The following DACH1 variants were observed in gnomAD, a reference collection of about 807,000 sequenced individuals.
The protein encoded by DACH1 is dachshund family transcription factor 1.
A neutral mutation model predicts 54.2 loss-of-function variants in DACH1; 12 were observed. The observed-to-expected ratio is 0.22, with a 90% confidence interval of 0.14 to 0.36. The LOEUF (loss-of-function observed/expected upper bound fraction) is 0.36, where lower values mean the gene tolerates loss of function less well. Among genes scored for constraint, DACH1 ranks in the 10% least tolerant of loss-of-function variants. The probability of loss-of-function intolerance (pLI) is 1.00; values close to 1 mark genes in which losing one functional copy is unlikely to be tolerated. For missense variants in DACH1, 805 were observed against 929.8 expected (o/e 0.87, Z 1.75); for synonymous variants, 386 against 366.2 (o/e 1.05, Z -0.62).
intron 2 of DACH1, among the ~76,000 whole-genome samples, chr13:71,657,760 T>G (rs1279342554): frequency 6.6e-6 from 1 of 152,056 alleles, no homozygotes; most frequent in Non-Finnish European, 1.5e-5. Context: ...TTTTTATGTC[T>G]GAGTAATTCT....
At chr13:71,607,647 C>T (rs1049583044) in intron 3 of DACH1, among the ~76,000 whole-genome samples, 7 of 151,846 alleles carry the variant, frequency 4.6e-5, no homozygotes, top group African/African-American at 1.7e-4. Flanking sequence ...GTTTTAATAC[C>T]ACCAGGAAAA....
At chr13:71,451,036 C>CA (rs1566266700) in intron 10 of DACH1, among the ~76,000 whole-genome samples, 2 of 152,104 alleles carry the variant, frequency 1.3e-5, no homozygotes, top group Middle Eastern at 6.8e-3. Context: ...GCAAAATTAA[C>CA]AAAAAATTAT....
intron 2 of DACH1, among the ~76,000 whole-genome samples, chr13:71,639,995 A>C (rs1409669171): frequency 6.6e-6 from 1 of 152,024 alleles, no homozygotes; most frequent in Non-Finnish European, 1.5e-5. Context: ...GACTTTACCT[A>C]ATGTAACCCT....
chr13:71,552,982 G>A (rs1477352111), intron 6 of DACH1, among the ~76,000 whole-genome samples: 4 of 147,742 alleles, frequency 2.7e-5, no homozygotes, highest in African/African-American at 9.9e-5. Flanking sequence ...AGGAGTTCGA[G>A]ACCAGCCTGG....
intron 1 of DACH1, among the ~76,000 whole-genome samples, chr13:71,820,882 C>T (rs763474323): frequency 7.2e-5 from 11 of 152,236 alleles, no homozygotes; most frequent in East Asian, 1.9e-4. Flanking sequence ...AAAGATATTT[C>T]GTAATTCTCT....
chr13:71,866,287 GCTGCTACTGCTGCTGCTGCTACTA>G lies in DACH1; in HGVS notation c.459_482del (p.Ser156_Ser163del), dbSNP rs1874756198. 1.3e-6 allele frequency: 2 copies of G among 1,571,532 alleles called. No homozygotes were observed. Among genetic ancestry groups the G allele is most frequent in the Non-Finnish European group, 1.7e-6 (2 of 1,158,514 alleles). ...TCCCGGGGAGGGGGCCGCAGCTGCT[GCTGCTACTGCTGCTGCTGCTACTA>G]CTGCTGCTGCTGCTGCTGCTGCTAC... On this transcript the variant is annotated inframe_deletion, in exon 1 of 11. Transcript: ENST00000613252.
intron 6 of DACH1, among the ~76,000 whole-genome samples, chr13:71,507,691 G>T (rs964955501): frequency 1.3e-5 from 2 of 152,134 alleles, no homozygotes; most frequent in Non-Finnish European, 2.9e-5. Context: ...CTACCTGGAA[G>T]AGAACAATTA....
intron 3 of DACH1, among the ~76,000 whole-genome samples, chr13:71,601,222 G>A (rs192688390): frequency 6.6e-6 from 1 of 152,084 alleles, no homozygotes; most frequent in East Asian, 1.9e-4. Context: ...TCCGCCTGAA[G>A]CAAGCTGGAC....
At chr13:71,705,414 C>A (rs544100957) in intron 1 of DACH1, among the ~76,000 whole-genome samples, 2 of 152,286 alleles carry the variant, frequency 1.3e-5, no homozygotes, top group African/African-American at 4.8e-5. Flanking sequence ...AAGAAACTAA[C>A]AAACCTGTCT....
At chr13:71,578,352 G>A (rs533590206) in intron 3 of DACH1, among the ~76,000 whole-genome samples, 2 of 152,200 alleles carry the variant, frequency 1.3e-5, no homozygotes, top group South Asian at 2.1e-4. Flanking sequence ...TCTTAACAAC[G>A]AAAACAAAAC....
intron 6 of DACH1, among the ~76,000 whole-genome samples, chr13:71,549,155 C>A (rs998514743): frequency 1.3e-5 from 2 of 151,722 alleles, no homozygotes; most frequent in African/African-American, 4.8e-5. Flanking sequence ...AATAAGTTAT[C>A]CAATCACATC....
chr13:71,631,759 C>T (rs1877117110), intron 2 of DACH1, among the ~76,000 whole-genome samples: 1 of 152,124 alleles, frequency 6.6e-6, no homozygotes, highest in Non-Finnish European at 1.5e-5. Context: ...AATAGTTCAT[C>T]TTCATCCATC....
At chr13:71,495,989 T>C (rs1209906334) in intron 6 of DACH1, among the ~76,000 whole-genome samples, 2 of 151,952 alleles carry the variant, frequency 1.3e-5, no homozygotes, top group African/African-American at 2.4e-5. Context: ...TCCCAGCACT[T>C]TGGGAGTCCC....
At chr13:71,845,491 T>G (rs780030460) in intron 1 of DACH1, among the ~76,000 whole-genome samples, 17 of 152,260 alleles carry the variant, frequency 1.1e-4, no homozygotes, top group Middle Eastern at 6.8e-3. Context: ...GTCATTGACA[T>G]GGGATGATGA....
chr13:71,683,064 A>G (rs1436900058), intron 1 of DACH1, among the ~76,000 whole-genome samples: 1 of 152,090 alleles, frequency 6.6e-6, no homozygotes. Flanking sequence ...AGATTCAAAG[A>G]TGTTATCTAT....
At chr13:71,825,355 T>C (rs1888338473) in intron 1 of DACH1, among the ~76,000 whole-genome samples, 1 of 152,142 alleles carries the variant, frequency 6.6e-6, no homozygotes, top group African/African-American at 2.4e-5. Flanking sequence ...ATTTACAGTA[T>C]GCAATTCAAT....
chr13:71,866,014 C>T lies in DACH1; in HGVS notation c.756G>A (p.Arg252=). The T allele has an allele frequency of 6.2e-7, 1 of 1,613,906 alleles. No individual in the cohort carries two copies. The highest frequency in any genetic ancestry group is 8.5e-7 in the Non-Finnish European group (1 of 1,179,980). ...CTCCTGGCTGGATGGCGCCCAGTCC[C>T]CTCAGGATGCGAACTTGTTCCACAT... is the stretch of plus-strand genomic sequence containing the variant. ...VCNVEQVRIL[R]GLGAIQPGVN... Residue 252 remains arginine (R), a synonymous_variant, in exon 1 of 11, where the codon AGG becomes AGA. Coordinates refer to ENST00000613252, the MANE Select transcript of DACH1 (RefSeq NM_080759.6).
intron 6 of DACH1, among the ~76,000 whole-genome samples, chr13:71,537,801 T>C (rs540485499): frequency 6.6e-6 from 1 of 152,280 alleles, no homozygotes; most frequent in East Asian, 1.9e-4. Flanking sequence ...ATTATCTAGT[T>C]GGAATTATCT....
intron 2 of DACH1, among the ~76,000 whole-genome samples, chr13:71,677,825 T>G (rs1880663421): frequency 6.6e-6 from 1 of 152,090 alleles, no homozygotes; most frequent in African/African-American, 2.4e-5. Context: ...GTTCAAGCGA[T>G]TCTCCTGCCT....
Sources: allele counts gnomAD v4.1 joint callset (sites outside exome capture counted in the v4.1 genomes callset), GRCh38; gene constraint gnomAD v4.1.1; transcripts MANE v1.5; gene names NCBI Gene and HGNC (gene_info 2026-07-23, HGNC 2026-07-21).